The following NCOA2 variants were observed in gnomAD, a reference collection of about 807,000 sequenced individuals.
NCOA2 encodes class E basic helix-loop-helix protein 75.
Under a neutral mutation model 145.1 loss-of-function variants are expected in NCOA2, and 21 were observed. The observed-to-expected ratio is 0.14, with a 90% CI of 0.10 to 0.21. The LOEUF (loss-of-function observed/expected upper bound fraction) is 0.21, where lower values mean the gene tolerates loss of function less well. NCOA2 is among the 10% of genes least tolerant of loss of function. The probability of loss-of-function intolerance (pLI) is 1.00; values close to 1 mark genes in which losing one functional copy is unlikely to be tolerated. For missense variants in NCOA2, 1,472 were observed against 1,837.6 expected (o/e 0.80, Z 3.64); for synonymous variants, 619 against 637.5 (o/e 0.97, Z 0.44).
chr8:70,201,236 C>T (rs999629050), intron 4 of NCOA2, among the ~76,000 whole-genome samples: 3 of 152,084 alleles, frequency 2.0e-5, no homozygotes, highest in African/African-American at 7.2e-5. Flanking sequence ...ACAAGCAGAA[C>T]TGCAATTCTT....
chr8:70,367,066 A>G (rs185310307), intron 1 of NCOA2, among the ~76,000 whole-genome samples: 1 of 152,368 alleles, frequency 6.6e-6, no homozygotes, highest in African/African-American at 2.4e-5. Flanking sequence ...GGACAATAAT[A>G]GCAACCCGAT....
intron 2 of NCOA2, among the ~76,000 whole-genome samples, chr8:70,290,124 T>C (rs1446116183): frequency 6.6e-6 from 1 of 151,940 alleles, no homozygotes. Context: ...TTCTCTTTAA[T>C]CTTTGTAGAT....
intron 4 of NCOA2, among the ~76,000 whole-genome samples, chr8:70,200,007 T>A (rs1175785463): frequency 6.6e-6 from 1 of 152,208 alleles, no homozygotes; most frequent in African/African-American, 2.4e-5. Flanking sequence ...GCTTTTCTTT[T>A]TCCCCCCTTG....
At chr8:70,318,482 CTGGCCAGGCATGG>C (rs1805790989) in intron 1 of NCOA2, among the ~76,000 whole-genome samples, 1 of 152,088 alleles carries the variant, frequency 6.6e-6, no homozygotes, top group African/African-American at 2.4e-5. Context: ...TAAAAAGTGG[CTGGCCAGGCATGG>C]TGGCTCATGC....
chr8:70,387,083 C>T (rs1812737928), intron 1 of NCOA2, among the ~76,000 whole-genome samples: 1 of 152,048 alleles, frequency 6.6e-6, no homozygotes, highest in African/African-American at 2.4e-5. Context: ...GATGGGGTCT[C>T]GCTTTAACGC....
chr8:70,293,767 T>C (rs967472679), intron 2 of NCOA2, among the ~76,000 whole-genome samples: 1 of 152,204 alleles, frequency 6.6e-6, no homozygotes, highest in African/African-American at 2.4e-5. Flanking sequence ...GCCAAGTAAA[T>C]TTTATTGGCT....
Position 70,304,732 on chromosome 8 carries a change from T to C in NCOA2, c.-76-7932A>G, listed in dbSNP as rs568907148. Reference sequence around the variant, plus strand: ...GACTGGTCTTGAACTCCTGAGCTCATGATCCACCCATCTTGGCCTCCCAAG... The same window carrying C: ...GACTGGTCTTGAACTCCTGAGCTCACGATCCACCCATCTTGGCCTCCCAAG... On this transcript the variant is annotated intron_variant, in intron 1 of 22. Coordinates refer to ENST00000452400, the MANE Select transcript of NCOA2 (RefSeq NM_006540.4). Among the ~76,000 whole-genome samples the C allele has an allele frequency of 6.6e-5, 10 of 152,054 alleles. No individual in the cohort carries two copies. The East Asian group carries it at 1.4e-3, about 21-fold the overall frequency.
At chr8:70,420,154 A>C in the NCOA2 span, among the ~76,000 whole-genome samples, 4 of 152,238 alleles carry the variant, frequency 2.6e-5, no homozygotes, top group Non-Finnish European at 4.4e-5. Context: ...GGATGAGAAC[A>C]AAGTTAGTTG....
intron 16 of NCOA2, among the ~76,000 whole-genome samples, chr8:70,130,528 T>TAA (rs1350267770): frequency 6.7e-6 from 1 of 150,066 alleles, no homozygotes; most frequent in African/African-American, 2.5e-5. Context: ...AGGAAATACT[T>TAA]AAACTCCATT....
At chr8:70,261,142 C>T (rs1031863239) in intron 2 of NCOA2, among the ~76,000 whole-genome samples, 2 of 152,162 alleles carry the variant, frequency 1.3e-5, no homozygotes, top group African/African-American at 4.8e-5. Context: ...GCTATAAAGA[C>T]ACATGTACAC....
At chr8:70,397,461 GAAAA>G (rs11347613) in intron 1 of NCOA2, among the ~76,000 whole-genome samples, 163 of 107,052 alleles carry the variant, frequency 1.5e-3, no homozygotes, top group African/African-American at 4.5e-3. Context: ...TCAAAAAAAG[GAAAA>G]AAAAAAAAAA....
chr8:70,177,570 G>A (rs533723724), intron 4 of NCOA2, among the ~76,000 whole-genome samples: 8 of 152,284 alleles, frequency 5.3e-5, no homozygotes, highest in African/African-American at 1.7e-4. Context: ...GAGGAAGATA[G>A]AATAGGTGGA....
intron 1 of NCOA2, among the ~76,000 whole-genome samples, chr8:70,338,181 G>T (rs1202047080): frequency 3.3e-5 from 5 of 151,788 alleles, no homozygotes; most frequent in African/African-American, 1.2e-4. Context: ...TTAATAAAAT[G>T]GATAGACTGC....
Position 70,385,319 on chromosome 8 carries a change from G to C in NCOA2, c.-77+18381C>G, listed in dbSNP as rs114447256. Among the ~76,000 whole-genome samples, 323 of 152,290 alleles carry C rather than the reference G, an allele frequency of 2.1e-3. 2 individuals are homozygous for C. The highest frequency in any genetic ancestry group is 0.018 in the Admixed American group (272 of 15,288). Reference sequence around the variant, plus strand: ...AGCGAACATTTACAAAAATTGGGGCGCAAGGTCACACTTGTTTAAGTGATG... The same window carrying C: ...AGCGAACATTTACAAAAATTGGGGCCCAAGGTCACACTTGTTTAAGTGATG... On this transcript the variant is annotated intron_variant, in intron 1 of 22. Transcript: ENST00000452400.
intron 1 of NCOA2, among the ~76,000 whole-genome samples, chr8:70,367,522 T>G (rs1022913895): frequency 1.3e-5 from 2 of 152,182 alleles, no homozygotes; most frequent in Non-Finnish European, 2.9e-5. Flanking sequence ...AACATAGATT[T>G]TGGAGTTACT....
chr8:70,367,653 A>C (rs1036756571), intron 1 of NCOA2, among the ~76,000 whole-genome samples: 2 of 152,218 alleles, frequency 1.3e-5, no homozygotes, highest in East Asian at 1.9e-4. Context: ...AACTATTCAA[A>C]GTGTTTGAAA....
chr8:70,343,810 CA>C (rs756730046), intron 1 of NCOA2, among the ~76,000 whole-genome samples: 298 of 114,852 alleles, frequency 2.6e-3, no homozygotes, highest in Middle Eastern at 4.7e-3. Context: ...GACCCCATCT[CA>C]AAAAAAAAAA....
intron 4 of NCOA2, among the ~76,000 whole-genome samples, chr8:70,202,387 C>T (rs971066841): frequency 1.3e-5 from 2 of 152,132 alleles, no homozygotes; most frequent in African/African-American, 4.8e-5. Context: ...ATATTTGCAT[C>T]CCCATGTTAA....
chr8:70,403,147 G>A (rs1221814405), intron 1 of NCOA2, among the ~76,000 whole-genome samples: 4 of 150,852 alleles, frequency 2.7e-5, no homozygotes, highest in Non-Finnish European at 4.4e-5. Flanking sequence ...CCCACTCTCC[G>A]CTGCAGCCGC....
Sources: gnomAD v4.1 joint callset for allele counts (sites outside exome capture counted in the v4.1 genomes callset) on GRCh38, gnomAD v4.1.1 for gene constraint, MANE v1.5 for transcripts, NCBI Gene and HGNC (gene_info 2026-07-23, HGNC 2026-07-21) for gene names.